NDRG4: variants seen among roughly 807,000 people sequenced by gnomAD.
NDRG4 encodes the protein protein NDRG4.
In NDRG4, 38 loss-of-function variants were observed where a neutral mutation model predicts 55.8. The observed-to-expected ratio is 0.68, with a 90% CI of 0.53 to 0.89. The LOEUF is 0.89. Among genes scored for constraint, NDRG4 ranks in the 40% least tolerant of loss-of-function variants. The pLI is 0.00. For synonymous variants in NDRG4, 190 were observed against 182.7 expected (o/e 1.04, Z -0.32); for missense variants, 455 against 468.6 (o/e 0.97, Z 0.27).
intron 1 of NDRG4, among the ~76,000 whole-genome samples, chr16:58,478,964 G>T (rs903871963): frequency 4.0e-5 from 6 of 151,892 alleles, no homozygotes; most frequent in Non-Finnish European, 5.9e-5. Flanking sequence ...AATCATTTGA[G>T]GATTTTTTTT....
chr16:58,506,133 C>T lies in NDRG4; in HGVS notation c.373-254C>T, dbSNP rs1036795983. 39 of 540,778 alleles carry T rather than the reference C, an allele frequency of 7.2e-5. 1 individual carries two copies. The highest frequency in any genetic ancestry group is 2.7e-4 in the Admixed American group (8 of 29,296). 33.5% of individuals were successfully genotyped at this position (540,778 alleles called of 1,614,324 possible). A position where few individuals can be genotyped will look rare whatever the true frequency, so the allele number is the denominator to read the frequency against. On this transcript the variant is annotated intron_variant, in intron 5 of 14. Transcript: ENST00000570248. ...TTAAGAGCTGATTCTGTTGAAAGAGCGTGTGTGTGTGTGTGTGTGTGTGTC... is the reference window on the plus strand; with the variant it reads ...TTAAGAGCTGATTCTGTTGAAAGAGTGTGTGTGTGTGTGTGTGTGTGTGTC...
chr16:58,464,563 A>G lies in NDRG4; in HGVS notation c.-24+766A>G. 1.4e-5 allele frequency: 16 copies of G among 1,155,402 alleles called. No individual in the cohort carries two copies. The highest frequency in any genetic ancestry group is 1.6e-5 in the African/African-American group (1 of 62,250). The allele number at this position is 1,155,402 out of a possible 1,614,324, so 71.6% of individuals were successfully genotyped here. A position where few individuals can be genotyped will look rare whatever the true frequency, so the allele number is the denominator to read the frequency against. ...GGACTGGGGCGGCTCGGGTCTGAGC[A>G]GGAAGGGGTGCGGACCCCAACTAAG... On this transcript the variant is annotated intron_variant, in intron 1 of 15. Coordinates refer to the NDRG4 transcript ENST00000258187. The surrounding 1 kb of genome is among the most constrained non-coding windows in gnomAD (Gnocchi z 4.8).
chr16:58,501,893 C>G, intron 1 of NDRG4: 1 of 434,362 alleles, frequency 2.3e-6, no homozygotes. Flanking sequence ...TGGAAGGCAC[C>G]GCCCTGGGCT....
chr16:58,509,591 C>T (rs903900155), intron 13 of NDRG4, among the ~76,000 whole-genome samples: 2 of 152,170 alleles, frequency 1.3e-5, no homozygotes, highest in African/African-American at 4.8e-5. Flanking sequence ...GAGGACTTGG[C>T]GCACTGTTCT....
intron 2 of NDRG4, 61 bp downstream of exon 2, chr16:58,503,964 C>A: frequency 6.4e-7 from 1 of 1,573,666 alleles, no homozygotes. Flanking sequence ...AGCGGTGAGG[C>A]CCCCCACCCT....
At chr16:58,475,916 C>A (rs2151598610) in intron 1 of NDRG4, among the ~76,000 whole-genome samples, 1 of 152,328 alleles carries the variant, frequency 6.6e-6, no homozygotes, top group Middle Eastern at 3.4e-3. Context: ...CCTGCCTCAG[C>A]CTCCCAAATA....
In NDRG4 at chr16:58,513,168, A is replaced by ATATATGTGTGTG. The variant is rs142085550; in HGVS notation, c.*1593_*1594insATATGTGTGTGT. The ATATATGTGTGTG allele has an allele frequency of 6.7e-6, 1 of 150,136 alleles. No individual in the cohort carries two copies. The highest frequency in any genetic ancestry group is 6.6e-5 in the Admixed American group (1 of 15,094). 9.3% of individuals were successfully genotyped at this position (150,136 alleles called of 1,614,324 possible). A position where few individuals can be genotyped will look rare whatever the true frequency, so the allele number is the denominator to read the frequency against. On this transcript the variant is annotated 3_prime_UTR_variant, in exon 15 of 15. Coordinates refer to ENST00000570248, the MANE Select transcript of NDRG4 (RefSeq NM_001242835.2). ...GTATCTATAAATATCTATACATTAT[A>ATATATGTGTGTG]TGTGTGTGTGTGTGTGTGTGTGTGT...
intron 10 of NDRG4, 94 bp from the exon 11 acceptor site, chr16:58,508,868 C>T: frequency 1.4e-6 from 2 of 1,411,314 alleles, no homozygotes; most frequent in South Asian, 1.2e-5. Context: ...CCCTGCACCC[C>T]CTCTCCTCCC....
rs1408516388 is a variant in NDRG4 at position 58,507,012 on chromosome 16, A to C, written c.617A>C (p.Asn206Thr). The change falls in exon 8 of 15, where the codon AAC becomes ACC. Residue 206 changes from asparagine (N) to threonine (T), a missense_variant. Transcript: ENST00000570248. ...CTGCAGCTCTTCTGGAACATGTACA[A>C]CAGGTGCGGGTGGGATCAGCAGCCC... ...ANLQLFWNMY[N>T]SRRDLDINRP... The C allele has an allele frequency of 6.2e-7, 1 of 1,612,584 alleles. No individual in the cohort carries two copies. Among genetic ancestry groups the C allele is most frequent in the South Asian group, 1.1e-5 (1 of 90,630 alleles).
intron 2 of NDRG4, among the ~76,000 whole-genome samples, chr16:58,492,551 T>TGAGA (rs1173972390): frequency 6.8e-5 from 3 of 43,922 alleles, no homozygotes; most frequent in Admixed American, 3.2e-4. Context: ...TGTGTGTGTG[T>TGAGA]GAGAGACAGA....
intron 5 of NDRG4, chr16:58,506,035 C>G: frequency 5.1e-6 from 2 of 392,372 alleles, no homozygotes; most frequent in South Asian, 2.2e-5. Context: ...GCTTCATTCT[C>G]TATAAAAGCA....
chr16:58,509,477 A>G (rs1189594574), intron 13 of NDRG4, 125 bp downstream of exon 13: 5 of 1,024,104 alleles, frequency 4.9e-6, no homozygotes, highest in Non-Finnish European at 7.1e-6. Context: ...CCATAAGCAT[A>G]GGAGTTTTGT....
chr16:58,501,076 A>G, intron 1 of NDRG4: 1 of 1,235,230 alleles, frequency 8.1e-7, no homozygotes. Context: ...CCGGGGCATC[A>G]GGTACCCCGG....
In NDRG4 at chr16:58,464,411, G is replaced by T; in HGVS notation, c.-24+614G>T. 7.3e-7 allele frequency: 1 copy of T among 1,365,930 alleles called. No individual in the cohort carries two copies. The allele number at this position is 1,365,930 out of a possible 1,614,324, so 84.6% of individuals were successfully genotyped here. A position where few individuals can be genotyped will look rare whatever the true frequency, so the allele number is the denominator to read the frequency against. On this transcript the variant is annotated intron_variant, in intron 1 of 15. Transcript: ENST00000258187. This position sits in a 1 kb window ranked among gnomAD's most constrained non-coding sequence, Gnocchi z 4.8. ...TGCCCCGACGCCGCCACCCAGAGCC[G>T]GGCCGCGCCGGGCGCCGAGATGAAG...
chr16:58,498,806 G>A (rs561523354), upstream of NDRG4, among the ~76,000 whole-genome samples: 324 of 152,240 alleles, frequency 2.1e-3, no homozygotes, highest in South Asian at 4.6e-3. Context: ...TGCAGTTATC[G>A]TGGCCAGACA....
At chr16:58,487,885 C>A in intron 2 of NDRG4, 1 of 1,463,340 alleles carries the variant, frequency 6.8e-7, no homozygotes, top group Non-Finnish European at 9.2e-7. Flanking sequence ...GTCTTAGGGC[C>A]GAGCGCGCCA....
At chr16:58,494,825 CTG>C in intron 2 of NDRG4, 1 of 609,394 alleles carries the variant, frequency 1.6e-6, no homozygotes, top group Non-Finnish European at 2.7e-6. Flanking sequence ...GAGTGAGACC[CTG>C]TCTCTAAAAA....
chr16:58,508,926 C>G (rs755595164), intron 10 of NDRG4, 36 bp from the exon 11 acceptor site: 1 of 1,608,964 alleles, frequency 6.2e-7, no homozygotes. Context: ...TGGGGAGGGG[C>G]AGGGGCTGTT....
intron 1 of NDRG4, among the ~76,000 whole-genome samples, chr16:58,467,903 T>C (rs1001565269): frequency 1.3e-5 from 2 of 152,174 alleles, no homozygotes; most frequent in African/African-American, 2.4e-5. Flanking sequence ...TGCTGGGGGC[T>C]CCTTCTCCTC....
Sources: gnomAD v4.1 joint callset for allele counts (sites outside exome capture counted in the v4.1 genomes callset) on GRCh38, gnomAD v4.1.1 for gene constraint, Gnocchi (gnomAD v3.1) non-coding constraint, MANE v1.5 for transcripts, NCBI Gene and HGNC (gene_info 2026-07-23, HGNC 2026-07-21) for gene names.